The following LRP1B variants were observed in gnomAD, a reference collection of about 807,000 sequenced individuals.
LRP1B encodes the protein LDL receptor related protein 1B.
In LRP1B, 217 loss-of-function variants were observed where a neutral mutation model predicts 556.6. The ratio of observed to expected loss-of-function variants is 0.39; its 90% CI spans 0.35 to 0.44. The LOEUF (loss-of-function observed/expected upper bound fraction) is 0.44, where lower values mean the gene tolerates loss of function less well. LRP1B is among the 20% of genes least tolerant of loss of function. The probability of loss-of-function intolerance (pLI) is 1.00; values close to 1 mark genes in which losing one functional copy is unlikely to be tolerated. For missense variants in LRP1B, 5,053 were observed against 5,620.8 expected (o/e 0.90, Z 3.23); for synonymous variants, 2,047 against 1,865.8 (o/e 1.10, Z -2.50).
At chr2:142,097,870 C>T (rs947807958) in intron 1 of LRP1B, among the ~76,000 whole-genome samples, 7 of 151,626 alleles carry the variant, frequency 4.6e-5, no homozygotes, top group East Asian at 3.9e-4. Flanking sequence ...AATAATGTAT[C>T]GACAACAGAT....
chr2:140,548,698 A>G (rs1045393739), intron 43 of LRP1B, among the ~76,000 whole-genome samples: 13 of 152,066 alleles, frequency 8.5e-5, no homozygotes, highest in African/African-American at 2.9e-4. Context: ...CAAGGTAGGC[A>G]GATCACCTGA....
chr2:140,772,855 C>T (rs1559110341), intron 33 of LRP1B, among the ~76,000 whole-genome samples: 1 of 152,000 alleles, frequency 6.6e-6, no homozygotes, highest in African/African-American at 2.4e-5. Flanking sequence ...CCTGTAATCT[C>T]AGCATTTTGG....
At chr2:141,271,106 AC>A (rs1377983246) in intron 3 of LRP1B, among the ~76,000 whole-genome samples, 3 of 151,972 alleles carry the variant, frequency 2.0e-5, no homozygotes, top group Non-Finnish European at 4.4e-5. Context: ...AAGAAAAATA[AC>A]CAAAATGAAA....
intron 25 of LRP1B, among the ~76,000 whole-genome samples, chr2:140,878,119 G>A (rs534146735): frequency 1.3e-5 from 2 of 152,276 alleles, no homozygotes; most frequent in African/African-American, 4.8e-5. Context: ...TATACCAGAG[G>A]ACAATGTACT....
chr2:140,579,984 A>C (rs1681697007), intron 43 of LRP1B, among the ~76,000 whole-genome samples: 1 of 152,206 alleles, frequency 6.6e-6, no homozygotes, highest in South Asian at 2.1e-4. Context: ...CAAATGGAGA[A>C]AATCCATTGT....
At chr2:140,682,401 T>G (rs941379400) in intron 41 of LRP1B, among the ~76,000 whole-genome samples, 1 of 152,176 alleles carries the variant, frequency 6.6e-6, no homozygotes, top group African/African-American at 2.4e-5. Context: ...TTGATGAATA[T>G]GCATTGATTA....
chr2:140,632,860 G>A (rs138173058), intron 41 of LRP1B, among the ~76,000 whole-genome samples: 4,450 of 152,074 alleles, frequency 0.029, 100 homozygotes, highest in South Asian at 0.05. Context: ...TCAGGAGATC[G>A]AGACCATCCT....
At chr2:140,719,872 T>C (rs1248248260) in intron 35 of LRP1B, among the ~76,000 whole-genome samples, 1 of 152,052 alleles carries the variant, frequency 6.6e-6, no homozygotes, top group Admixed American at 6.6e-5. Context: ...ATCAATTTTT[T>C]CACATATATG....
intron 16 of LRP1B, among the ~76,000 whole-genome samples, chr2:140,991,374 T>A (rs1697088137): frequency 6.6e-6 from 1 of 152,180 alleles, no homozygotes; most frequent in South Asian, 2.1e-4. Flanking sequence ...ATATTTAAAA[T>A]AATCCTCTGA....
At chr2:141,402,096 T>G (rs1690470702) in intron 3 of LRP1B, among the ~76,000 whole-genome samples, 1 of 152,224 alleles carries the variant, frequency 6.6e-6, no homozygotes, top group African/African-American at 2.4e-5. Flanking sequence ...TACATGGTTC[T>G]TTGAACCTGA....
At chr2:141,308,685 G>A (rs111946939) in intron 3 of LRP1B, among the ~76,000 whole-genome samples, 30 of 152,186 alleles carry the variant, frequency 2.0e-4, no homozygotes, top group African/African-American at 7.0e-4. Context: ...CACACAAAGT[G>A]TACAGTTTTT....
chr2:140,908,393 AAAAG>A (rs1559188029), intron 21 of LRP1B, among the ~76,000 whole-genome samples: 2 of 143,730 alleles, frequency 1.4e-5, no homozygotes, highest in Non-Finnish European at 3.0e-5. Flanking sequence ...TATATATATA[AAAAG>A]AAGGTTTCTG....
intron 41 of LRP1B, among the ~76,000 whole-genome samples, chr2:140,669,823 A>G (rs1039628988): frequency 5.9e-5 from 9 of 152,124 alleles, no homozygotes; most frequent in African/African-American, 2.2e-4. Context: ...CATGTCTTAT[A>G]CAATATTTCA....
chr2:142,052,665 G>A (rs1704502445), intron 1 of LRP1B, among the ~76,000 whole-genome samples: 1 of 151,960 alleles, frequency 6.6e-6, no homozygotes, highest in Non-Finnish European at 1.5e-5. Flanking sequence ...ATCCCTCACT[G>A]TTTTTCCCTA....
intron 35 of LRP1B, among the ~76,000 whole-genome samples, chr2:140,730,365 T>C (rs1177449025): frequency 3.3e-5 from 5 of 152,194 alleles, no homozygotes; most frequent in Non-Finnish European, 2.9e-5. Flanking sequence ...ACAAGGCAAT[T>C]CACTTAGATA....
chr2:140,756,281 C>T lies in LRP1B; in HGVS notation c.5758+12932G>A, dbSNP rs139095962. 3.9e-3 allele frequency among the ~76,000 whole-genome samples: 596 copies of T among 152,120 alleles called. 4 individuals carry two copies. Among genetic ancestry groups the T allele is most frequent in the African/African-American group, 0.012 (510 of 41,556 alleles). ...TCAGTTGTTTTCTACAGCTTCCTCA[C>T]AATCTCTCTCAAAATCTCTGCTAGT... On this transcript the variant is annotated intron_variant, in intron 35 of 90. Coordinates refer to ENST00000389484, the MANE Select transcript of LRP1B (RefSeq NM_018557.3).
At chr2:140,410,169 C>A (rs538658335) in intron 66 of LRP1B, among the ~76,000 whole-genome samples, 3 of 151,708 alleles carry the variant, frequency 2.0e-5, no homozygotes, top group African/African-American at 7.3e-5. Flanking sequence ...CATATTTTAA[C>A]CTTTGAAAAA....
chr2:141,550,017 C>T (rs775076296), intron 2 of LRP1B, among the ~76,000 whole-genome samples: 1 of 152,044 alleles, frequency 6.6e-6, no homozygotes, highest in African/African-American at 2.4e-5. Flanking sequence ...AGAAACACTG[C>T]GTTCAAATGT....
Position 142,000,221 on chromosome 2 carries a change from C to T in LRP1B, c.82+130427G>A, listed in dbSNP as rs190497143. Among the ~76,000 whole-genome samples the T allele has an allele frequency of 5.9e-5, 9 of 152,168 alleles. 1 individual carries two copies. The highest frequency in any genetic ancestry group is 2.1e-4 in the South Asian group (1 of 4,822). ...TAATGAAGGCACAAACTCATGGCAG[C>T]GTTGATGCCAAGGCACTGCTAGCTC... On this transcript the variant is annotated intron_variant, in intron 1 of 90. Transcript: ENST00000389484.
Sources: gnomAD v4.1 joint callset for allele counts (sites outside exome capture counted in the v4.1 genomes callset) on GRCh38, gnomAD v4.1.1 for gene constraint, MANE v1.5 for transcripts, NCBI Gene and HGNC (gene_info 2026-07-23, HGNC 2026-07-21) for gene names.